The following OPN4 variants were observed in gnomAD, a reference collection of about 807,000 sequenced individuals.
OPN4 encodes opsin 4.
In OPN4, 43 loss-of-function variants were observed where a neutral mutation model predicts 49.5. The observed-to-expected ratio is 0.87, with a 90% CI of 0.68 to 1.12. The LOEUF is 1.12. Among genes scored for constraint, OPN4 ranks in the 50% most tolerant of loss-of-function variants. The probability of loss-of-function intolerance (pLI) is 0.00; values close to 1 mark genes in which losing one functional copy is unlikely to be tolerated. For synonymous variants in OPN4, 263 were observed against 258.0 expected (o/e 1.02, Z -0.19); for missense variants, 657 against 643.9 (o/e 1.02, Z -0.22).
intron 9 of OPN4, 111 bp downstream of exon 9, chr10:86,663,913 T>G: frequency 7.6e-7 from 1 of 1,307,698 alleles, no homozygotes; most frequent in Non-Finnish European, 1.0e-6. Context: ...GGCGATATCC[T>G]CCAGGAATCA....
intron 9 of OPN4, among the ~76,000 whole-genome samples, chr10:86,665,391 G>C (rs1488262281): frequency 6.6e-6 from 1 of 152,140 alleles, no homozygotes; most frequent in Admixed American, 6.5e-5. Flanking sequence ...AGGACAGCAG[G>C]AGCGGGGGTG....
chr10:86,664,847 T>A (rs908213271), intron 9 of OPN4, among the ~76,000 whole-genome samples: 1 of 152,202 alleles, frequency 6.6e-6, no homozygotes, highest in African/African-American at 2.4e-5. Flanking sequence ...CAGGCACTGA[T>A]GAAAGACACA....
chr10:86,654,818 G>GC lies in OPN4; in HGVS notation c.38dup (p.Thr14AsnfsTer51). On this transcript the variant is annotated frameshift_variant, in exon 1 of 10. Coordinates refer to ENST00000241891, the MANE Select transcript of OPN4 (RefSeq NM_033282.4). LOFTEE classifies it high-confidence loss of function. ...CCTTCGGGGCCAAGAGTCCCGCCCA[G>GC]CCCAACCCAAGAGCCCAGCTGCATG... The GC allele has an allele frequency of 1.6e-6, 2 of 1,225,704 alleles. No individual in the cohort carries two copies. The highest frequency in any genetic ancestry group is 2.3e-6 in the Non-Finnish European group (2 of 861,952). The allele number at this position is 1,225,704 out of a possible 1,614,324, so 75.9% of individuals were successfully genotyped here.
rs747943432 is a variant in OPN4 at position 86,659,378 on chromosome 10, T to C, written c.710T>C (p.Met237Thr). Residue 237 changes from methionine (M) to threonine (T), a missense_variant, in exon 5 of 10, where the codon ATG becomes ACG. Physicochemically the swap from Met to Thr is moderately conservative, Grantham distance 81. Coordinates refer to ENST00000241891, the MANE Select transcript of OPN4 (RefSeq NM_033282.4). ...ACGCCGGCCGTGCGTGCCTACACCA[T>C]GCTTCTCTGCTGCTTCGTGTTCTTC... ...SFTPAVRAYT[M>T]LLCCFVFFLP... is the part of the protein sequence containing the mutation. 1 of 1,614,062 alleles carries C rather than the reference T, an allele frequency of 6.2e-7. No individual in the cohort carries two copies. The highest frequency in any genetic ancestry group is 8.5e-7 in the Non-Finnish European group (1 of 1,180,016).
chr10:86,661,276 C>T lies in OPN4; in HGVS notation c.966-5C>T. The T allele has an allele frequency of 1.2e-6, 2 of 1,612,510 alleles. No homozygotes were observed. Among genetic ancestry groups the T allele is most frequent in the Non-Finnish European group, 1.7e-6 (2 of 1,178,724 alleles). On this transcript the variant is annotated splice_region_variant and splice_polypyrimidine_tract_variant and intron_variant, in intron 6 of 9. Coordinates refer to ENST00000241891, the MANE Select transcript of OPN4 (RefSeq NM_033282.4). Reference sequence around the variant, plus strand: ...AGCTTGGGGACCACACCTTCTCTGTCCTAGGTACGCACACGTCCTGACACC... The same window carrying T: ...AGCTTGGGGACCACACCTTCTCTGTTCTAGGTACGCACACGTCCTGACACC...
In OPN4 at chr10:86,661,391, G is replaced by T; in HGVS notation, c.1073+3G>T. 6.2e-7 allele frequency: 1 copy of T among 1,611,518 alleles called. No individual in the cohort carries two copies. Among genetic ancestry groups the T allele is most frequent in the South Asian group, 1.1e-5 (1 of 90,960 alleles). On this transcript the variant is annotated splice_donor_region_variant and intron_variant, in intron 7 of 9. Transcript: ENST00000241891. ...GCCATCACCCACCCCAAGTACAGGT[G>T]TGGCTCTTTTCCAGAACCCCACACC...
rs1843855521 is a variant in OPN4, at chr10:86,656,147, C to G, written c.145-8C>G. 1 of 1,614,180 alleles carries G rather than the reference C, an allele frequency of 6.2e-7. No individual in the cohort carries two copies. Among genetic ancestry groups the G allele is most frequent in the Non-Finnish European group, 8.5e-7 (1 of 1,180,014 alleles). On this transcript the variant is annotated splice_polypyrimidine_tract_variant and splice_region_variant and intron_variant, in intron 1 of 9. Coordinates refer to ENST00000241891, the MANE Select transcript of OPN4 (RefSeq NM_033282.4). ...ACATGATTCCCTCGTTTCTCTGTCT[C>G]TCCGCAGGCACCTGGGACTTGGGCT...
Position 86,663,708 on chromosome 10 carries a change from C to A in OPN4, c.1304C>A (p.Ala435Glu), listed in dbSNP as rs1844073646. 6.3e-7 allele frequency: 1 copy of A among 1,576,044 alleles called. No homozygotes were observed. Among genetic ancestry groups the A allele is most frequent in the Non-Finnish European group, 8.6e-7 (1 of 1,160,448 alleles). Residue 435 changes from alanine to glutamate, a missense_variant, in exon 9 of 10, where the codon GCA (alanine) becomes GAA (glutamate). Transcript: ENST00000241891. ...GCTGTGTGGGGAGCTGCCCAGCAAG[C>A]AAATGGGCGGTCCCTCTACGGTCAG... ...AAAVWGAAQQ[A>E]NGRSLYGQGL...
At chr10:86,658,431 C>T in intron 3 of OPN4, 53 bp from the exon 4 acceptor site, 1 of 1,581,038 alleles carries the variant, frequency 6.3e-7, no homozygotes, top group Non-Finnish European at 8.7e-7. Flanking sequence ...GCAGAGTCTA[C>T]CCTGTCCCCA....
At position 86,662,296 on chromosome 10, in the gene OPN4, G is replaced by T. The variant is rs1345740825; in HGVS notation, c.1118G>T (p.Gly373Val). The T allele has an allele frequency of 8.1e-6, 13 of 1,609,262 alleles. No homozygotes were observed. Among genetic ancestry groups the T allele is most frequent in the East Asian group, 2.2e-5 (1 of 44,802 alleles). ...CTGCCCTGCCTGGGGGTGCTGCTGG[G>T]TGTATCACGCCGGCACAGTCGCCCC... ...QHLPCLGVLL[G>V]VSRRHSRPYP... The change falls in exon 8 of 10, where the codon GGT (glycine) becomes GTT (valine). Residue 373 changes from glycine (G) to valine (V), a missense_variant. Coordinates refer to ENST00000241891, the MANE Select transcript of OPN4 (RefSeq NM_033282.4).
rs774409397 is a variant in OPN4, at chr10:86,661,415, C to A, written c.1073+27C>A. ...TGTGGCTCTTTTCCAGAACCCCACACCTTGGCCTCCAAGGGCCTGGCCTGC... is the reference window on the plus strand; with the variant it reads ...TGTGGCTCTTTTCCAGAACCCCACAACTTGGCCTCCAAGGGCCTGGCCTGC... On this transcript the variant is annotated intron_variant, in intron 7 of 9. Transcript: ENST00000241891. The A allele has an allele frequency of 2.5e-6, 4 of 1,570,596 alleles. No homozygotes were observed. In the South Asian group the frequency reaches 3.4e-5, roughly 13 times the overall value.
intron 1 of OPN4, among the ~76,000 whole-genome samples, chr10:86,655,882 T>C (rs1843850002): frequency 6.6e-6 from 1 of 152,140 alleles, no homozygotes; most frequent in African/African-American, 2.4e-5. Flanking sequence ...GCCAGTCACA[T>C]GTCTGTCTGT....
rs1403703846 is a variant in OPN4, at chr10:86,663,802, G to C, written c.1398G>C (p.Lys466Asn). The C allele has an allele frequency of 6.4e-7, 1 of 1,551,808 alleles. No individual in the cohort carries two copies. Among genetic ancestry groups the C allele is most frequent in the South Asian group, 1.2e-5 (1 of 84,080 alleles). Reference protein sequence around the residue: ...PQGHEAETPGKTKGLIPSQDP... With the variant: ...PQGHEAETPGNTKGLIPSQDP... Reference sequence around the variant, plus strand: ...GACACGAAGCAGAGACTCCAGGGAAGGTGACTGGGCCCGGTACCTGCCAAT... The same window carrying C: ...GACACGAAGCAGAGACTCCAGGGAACGTGACTGGGCCCGGTACCTGCCAAT... Residue 466 changes from lysine (K) to asparagine (N), a missense_variant and splice_region_variant, in exon 9 of 10, where the codon AAG becomes AAC. Coordinates refer to ENST00000241891, the MANE Select transcript of OPN4 (RefSeq NM_033282.4).
In OPN4 at chr10:86,658,564, T is replaced by C. The variant is rs1843926583; in HGVS notation, c.505T>C (p.Tyr169His). 1.2e-5 allele frequency: 20 copies of C among 1,614,230 alleles called. No homozygotes were observed. The highest frequency in any genetic ancestry group is 1.6e-5 in the Non-Finnish European group (19 of 1,180,044). The change falls in exon 4 of 10, where the codon TAC becomes CAC. Residue 169 changes from tyrosine to histidine, a missense_variant. Coordinates refer to ENST00000241891, the MANE Select transcript of OPN4 (RefSeq NM_033282.4). ...ITLTAIALDR[Y>H]LVITRPLATF... ...CCTGACGGCCATCGCCCTGGACCGC[T>C]ACCTGGTAATCACACGCCCGCTGGC... is the stretch of plus-strand genomic sequence containing the variant.
At chr10:86,663,461 C>T (rs752160600) in intron 8 of OPN4, among the ~76,000 whole-genome samples, 198 bp from the exon 9 acceptor site, 21 of 152,346 alleles carry the variant, frequency 1.4e-4, no homozygotes, top group South Asian at 1.2e-3. Flanking sequence ...CAAACCTGCA[C>T]ACACATACAC....
intron 7 of OPN4, among the ~76,000 whole-genome samples, 159 bp from the exon 8 acceptor site, chr10:86,662,093 T>C (rs1413844808): frequency 6.6e-6 from 1 of 151,988 alleles, no homozygotes; most frequent in Non-Finnish European, 1.5e-5. Flanking sequence ...TGTCTTTCTG[T>C]CCTCATCACC....
At chr10:86,661,437 C>A in intron 7 of OPN4, 49 bp downstream of exon 7, 1 of 1,433,546 alleles carries the variant, frequency 7.0e-7, no homozygotes, top group Non-Finnish European at 9.8e-7. Flanking sequence ...AGGGCCTGGC[C>A]TGCCGATGGG....
At chr10:86,657,182 T>C (rs752800846) in intron 2 of OPN4, 1 of 780,440 alleles carries the variant, frequency 1.3e-6, no homozygotes, top group South Asian at 1.3e-5. Context: ...TCACTTTTCT[T>C]TCCGCAAAAC....
At chr10:86,661,197 T>A in intron 6 of OPN4, 84 bp from the exon 7 acceptor site, 2 of 1,079,660 alleles carry the variant, frequency 1.9e-6, no homozygotes, top group Non-Finnish European at 2.8e-6. Context: ...GGATTAGGAT[T>A]TGGGCTTTGG....
Sources: gnomAD v4.1 joint callset for allele counts (sites outside exome capture counted in the v4.1 genomes callset) on GRCh38, gnomAD v4.1.1 for gene constraint, MANE v1.5 for transcripts, NCBI Gene and HGNC (gene_info 2026-07-23, HGNC 2026-07-21) for gene names.